The following GRIN2A variants were observed in gnomAD, a reference collection of about 807,000 sequenced individuals.
GRIN2A encodes glutamate ionotropic receptor NMDA type subunit 2A.
In GRIN2A, 22 loss-of-function variants were observed where a neutral mutation model predicts 113.4. The observed-to-expected ratio is 0.19, with a 90% CI of 0.14 to 0.28. The LOEUF is 0.28. Ranked by LOEUF, GRIN2A falls within the 10% of genes least tolerant of loss-of-function variation. The pLI is 1.00. For missense variants in GRIN2A, 1,502 were observed against 1,887.0 expected (o/e 0.80, Z 3.78); for synonymous variants, 827 against 738.4 (o/e 1.12, Z -1.94).
At chr16:10,059,058 G>T (rs1203077942) in intron 2 of GRIN2A, among the ~76,000 whole-genome samples, 1 of 152,158 alleles carries the variant, frequency 6.6e-6, no homozygotes, top group East Asian at 1.9e-4. Context: ...TCAGACAAAG[G>T]CCCTGTAACA....
rs541973925 is a variant in GRIN2A at position 9,963,890 on chromosome 16, T to C, written c.415-25339A>G. Among the ~76,000 whole-genome samples the C allele has an allele frequency of 2.6e-5, 4 of 152,300 alleles. No homozygotes were observed. In the South Asian group the frequency reaches 8.3e-4, roughly 32 times the overall value. On this transcript the variant is annotated intron_variant, in intron 2 of 12. Transcript: ENST00000330684. ...GCATTTTAGAGCTATGTGCCAGACA[T>C]AGTGCCATGTCCTGGTGGAGGAGAG...
intron 2 of GRIN2A, among the ~76,000 whole-genome samples, chr16:9,939,958 T>A (rs1202917638): frequency 2.6e-5 from 4 of 152,034 alleles, no homozygotes; most frequent in Non-Finnish European, 5.9e-5. Context: ...TATTTTGCGT[T>A]CTGTATTTAC....
At chr16:9,812,110 C>T (rs1210019645) in intron 10 of GRIN2A, among the ~76,000 whole-genome samples, 1 of 152,138 alleles carries the variant, frequency 6.6e-6, no homozygotes, top group African/African-American at 2.4e-5. Flanking sequence ...TGAGAACAGT[C>T]ATATTTTTTA....
intron 2 of GRIN2A, among the ~76,000 whole-genome samples, chr16:9,947,596 T>C (rs1419612706): frequency 6.6e-6 from 1 of 152,210 alleles, no homozygotes; most frequent in African/African-American, 2.4e-5. Flanking sequence ...CAAAGAAATG[T>C]CTCCAAACAG....
intron 2 of GRIN2A, among the ~76,000 whole-genome samples, chr16:10,155,755 T>C (rs1464267323): frequency 6.6e-6 from 1 of 152,146 alleles, no homozygotes; most frequent in Non-Finnish European, 1.5e-5. Flanking sequence ...GGTCACATCT[T>C]ACATGGCAAG....
At position 9,772,350 on chromosome 16, in the gene GRIN2A, G is replaced by A. The variant is rs1054470277; in HGVS notation, c.2357-3261C>T. Among the ~76,000 whole-genome samples the A allele has an allele frequency of 2.6e-5, 4 of 152,156 alleles. No individual in the cohort carries two copies. The South Asian group carries it at 6.2e-4, about 24-fold the overall frequency. The stretch of plus-strand genomic sequence containing the variant: ...TTTGGAAATACAATGTGCTGTTGAC[G>A]TCCCCCCTCCCTTTGGAGGTATTTT... On this transcript the variant is annotated intron_variant, in intron 11 of 12. Coordinates refer to ENST00000330684, the MANE Select transcript of GRIN2A (RefSeq NM_001134407.3).
chr16:9,967,419 C>G (rs1292876090), intron 2 of GRIN2A, among the ~76,000 whole-genome samples: 2 of 152,066 alleles, frequency 1.3e-5, no homozygotes, highest in African/African-American at 2.4e-5. Context: ...AAGAATGATA[C>G]AATGGGCCGG....
chr16:10,064,834 T>A (rs2047616242), intron 2 of GRIN2A, among the ~76,000 whole-genome samples: 1 of 152,196 alleles, frequency 6.6e-6, no homozygotes. Flanking sequence ...TCTCCATTGT[T>A]TCAGGGCAAG....
intron 2 of GRIN2A, chr16:9,970,770 C>T (rs984933627): frequency 2.7e-5 from 26 of 959,816 alleles, no homozygotes; most frequent in Non-Finnish European, 2.9e-5. Flanking sequence ...CTGGTAAACT[C>T]TCAACAGGAG....
chr16:10,069,638 G>C (rs1006929001), intron 2 of GRIN2A, among the ~76,000 whole-genome samples: 1 of 152,240 alleles, frequency 6.6e-6, no homozygotes, highest in African/African-American at 2.4e-5. Flanking sequence ...TTGGCCAGGG[G>C]CCATTAGATG....
intron 2 of GRIN2A, among the ~76,000 whole-genome samples, chr16:10,150,197 C>A (rs955734980): frequency 1.3e-5 from 2 of 152,192 alleles, no homozygotes; most frequent in African/African-American, 4.8e-5. Flanking sequence ...TATGGAGAAA[C>A]CTTTAAAGTA....
At chr16:10,088,448 G>C (rs779942884) in intron 2 of GRIN2A, among the ~76,000 whole-genome samples, 20 of 152,178 alleles carry the variant, frequency 1.3e-4, no homozygotes, top group Admixed American at 3.3e-4. Flanking sequence ...TCTGTGCTCA[G>C]GGCTGTGAGT....
At position 9,798,443 on chromosome 16, in the gene GRIN2A, G is replaced by A. The variant is rs61753382; in HGVS notation, c.2190C>T (p.Tyr730=). 10,168 of 1,613,968 alleles carry A rather than the reference G, an allele frequency of 6.3e-3. 48 individuals carry two copies. The highest frequency in any genetic ancestry group is 0.011 in the African/African-American group (806 of 75,032). The change falls in exon 11 of 13, where the codon TAC becomes TAT. Residue 730 remains tyrosine, a synonymous_variant. Coordinates refer to ENST00000330684, the MANE Select transcript of GRIN2A (RefSeq NM_001134407.3). ...CCTTGTAATTCAAGACTGCGGCATCGTAGATGAAAGCGTCCAGCTTCCTGA... is the reference window on the plus strand; with the variant it reads ...CCTTGTAATTCAAGACTGCGGCATCATAGATGAAAGCGTCCAGCTTCCTGA... ...LKTGKLDAFI[Y]DAAVLNYKAG...
At chr16:10,177,020 C>T (rs2050162322) in intron 2 of GRIN2A, among the ~76,000 whole-genome samples, 1 of 152,086 alleles carries the variant, frequency 6.6e-6, no homozygotes, top group African/African-American at 2.4e-5. Flanking sequence ...ATCATTTTAA[C>T]AGGAGGCAGA....
intron 2 of GRIN2A, among the ~76,000 whole-genome samples, chr16:9,944,467 ATCC>A (rs934015939): frequency 1.3e-5 from 2 of 151,704 alleles, no homozygotes; most frequent in African/African-American, 4.8e-5. Context: ...CATCACATCC[ATCC>A]TCCTCCTCCT....
rs370107080 is a variant in GRIN2A at position 9,764,381 on chromosome 16, C to G, written c.3163G>C (p.Glu1055Gln). 5.0e-6 allele frequency: 8 copies of G among 1,614,026 alleles called. No homozygotes were observed. Among genetic ancestry groups the G allele is most frequent in the East Asian group, 2.2e-5 (1 of 44,882 alleles). Residue 1055 changes from glutamate to glutamine, a missense_variant, in exon 13 of 13, where the codon GAG becomes CAG. By Grantham distance (29) the Glu-to-Gln change is conservative. This residue lies in a region of GRIN2A where 832 missense variants were observed against 789.7 expected (regional missense o/e 1.05). Coordinates refer to ENST00000330684, the MANE Select transcript of GRIN2A (RefSeq NM_001134407.3). ...TCTGAAATGTCAGAGTGGGCCATCT[C>G]TTCTGGAAGATACCTAGGGCTCTTT... ...SLKSPRYLPE[E>Q]MAHSDISETS...
chr16:10,059,443 C>T (rs1342058542), intron 2 of GRIN2A, among the ~76,000 whole-genome samples: 1 of 152,020 alleles, frequency 6.6e-6, no homozygotes, highest in Admixed American at 6.5e-5. Flanking sequence ...GTACAGAATT[C>T]AAGGAAGAAC....
chr16:10,141,286 C>A (rs549559182), intron 2 of GRIN2A, among the ~76,000 whole-genome samples: 7 of 151,662 alleles, frequency 4.6e-5, no homozygotes, highest in Non-Finnish European at 8.8e-5. Context: ...GTCAGGAGTT[C>A]GAGACCAACG....
intron 4 of GRIN2A, among the ~76,000 whole-genome samples, chr16:9,861,340 G>A (rs1399799974): frequency 6.6e-6 from 1 of 152,186 alleles, no homozygotes. Flanking sequence ...TATAAAGTCT[G>A]CCAAAGGACA....
Sources: gnomAD v4.1 joint callset for allele counts (sites outside exome capture counted in the v4.1 genomes callset) on GRCh38, gnomAD v4.1.1 for gene constraint, gnomAD v4.1.1 regional missense constraint, MANE v1.5 for transcripts, NCBI Gene and HGNC (gene_info 2026-07-23, HGNC 2026-07-21) for gene names.